The following DOCK10 variants were observed in gnomAD, a reference collection of about 807,000 sequenced individuals.
The protein encoded by DOCK10 is dedicator of cytokinesis protein 10.
DOCK10 carries 145 observed loss-of-function variants against 280.1 expected under a neutral mutation model. The ratio of observed to expected loss-of-function variants is 0.52; its 90% CI spans 0.45 to 0.59. The LOEUF (loss-of-function observed/expected upper bound fraction) is 0.59, where lower values mean the gene tolerates loss of function less well. Among genes scored for constraint, DOCK10 ranks in the 20% least tolerant of loss-of-function variants. The probability of loss-of-function intolerance (pLI) is 0.00; values close to 1 mark genes in which losing one functional copy is unlikely to be tolerated. For synonymous variants in DOCK10, 915 were observed against 942.2 expected (o/e 0.97, Z 0.53); for missense variants, 2,368 against 2,651.7 (o/e 0.89, Z 2.35).
chr2:224,786,159 G>A lies in DOCK10; in HGVS notation c.5655+863C>T, dbSNP rs1258429456. Among the ~76,000 whole-genome samples the A allele has an allele frequency of 2.6e-5, 4 of 152,162 alleles. No homozygotes were observed. The highest frequency in any genetic ancestry group is 5.9e-5 in the Non-Finnish European group (4 of 68,040). On this transcript the variant is annotated intron_variant, in intron 50 of 55. Transcript: ENST00000258390. This position sits in a 1 kb window ranked among gnomAD's most constrained non-coding sequence, Gnocchi z 4.7. ...GGAGGTTGCAGTGAGCCGAGATCAC[G>A]CCACTGCACTGCACTCCAGCCTGGG...
intron 2 of DOCK10, among the ~76,000 whole-genome samples, chr2:224,919,133 ATATGTGTGGTGTGTG>A (rs1701533863): frequency 1.6e-5 from 2 of 127,732 alleles, no homozygotes; most frequent in East Asian, 2.7e-4. Context: ...TGTGGCACGT[ATATGTGTGGTGTGTG>A]TATGTGTGGT....
In DOCK10 at chr2:224,781,603, T is replaced by C. The variant is rs141530743; in HGVS notation, c.5656-3319A>G. Among the ~76,000 whole-genome samples, 783 of 152,308 alleles carry C rather than the reference T, an allele frequency of 5.1e-3. 1 individual carries two copies. The highest frequency in any genetic ancestry group is 0.01 in the Middle Eastern group (3 of 294). On this transcript the variant is annotated intron_variant, in intron 50 of 55. Coordinates refer to ENST00000258390, the MANE Select transcript of DOCK10 (RefSeq NM_014689.3). ...TATGAAAACCAGGGTCAGTTTCTCT[T>C]TTGCTTTAGCCCCAAGGTTATAAGC... is the stretch of plus-strand genomic sequence containing the variant.
intron 50 of DOCK10, among the ~76,000 whole-genome samples, chr2:224,785,673 G>T (rs936149206): frequency 1.3e-5 from 2 of 151,950 alleles, no homozygotes; most frequent in East Asian, 3.9e-4. Context: ...GTAGAGATGG[G>T]GTTTCACCAT....
intron 19 of DOCK10, among the ~76,000 whole-genome samples, chr2:224,846,352 C>T (rs765315421): frequency 9.2e-5 from 14 of 152,254 alleles, no homozygotes; most frequent in South Asian, 8.3e-4. Flanking sequence ...TCCCAAAGTG[C>T]GGCTGGGGAC....
chr2:224,982,083 T>G (rs1418716076), intron 1 of DOCK10: 22 of 646,820 alleles, frequency 3.4e-5, no homozygotes, highest in Non-Finnish European at 4.8e-5. Context: ...AAACAGTACT[T>G]CAGAGTAGTA....
At chr2:224,898,859 G>A (rs1032901007) in intron 3 of DOCK10, among the ~76,000 whole-genome samples, 2 of 152,240 alleles carry the variant, frequency 1.3e-5, no homozygotes, top group Non-Finnish European at 2.9e-5. Context: ...ACAGGCGTGA[G>A]CCACCGCACC....
intron 1 of DOCK10, among the ~76,000 whole-genome samples, chr2:224,992,109 T>C (rs1388827910): frequency 6.6e-6 from 1 of 152,234 alleles, no homozygotes; most frequent in Non-Finnish European, 1.5e-5. Context: ...AGTTAAGTGA[T>C]CAAATTGGGC....
At chr2:224,980,537 C>G (rs1400956710) in intron 1 of DOCK10, among the ~76,000 whole-genome samples, 1 of 152,102 alleles carries the variant, frequency 6.6e-6, no homozygotes, top group Non-Finnish European at 1.5e-5. Context: ...AGTGGGCTGG[C>G]AATAAACCAT....
Position 224,793,390 on chromosome 2 carries a change from G to GTCA in DOCK10, c.5212+7_5212+9dup. The stretch of plus-strand genomic sequence containing the variant: ...CTAGGCTTTTTGCCTCCCTCATGTG[G>GTCA]TCATCTTACCCTTTCTTTTCAGATA... On this transcript the variant is annotated intron_variant, in intron 46 of 55. Coordinates refer to ENST00000258390, the MANE Select transcript of DOCK10 (RefSeq NM_014689.3). The GTCA allele has an allele frequency of 1.2e-6, 2 of 1,610,768 alleles. No homozygotes were observed. The highest frequency in any genetic ancestry group is 1.7e-6 in the Non-Finnish European group (2 of 1,178,102).
At chr2:224,994,764 A>T (rs1706222437) in intron 1 of DOCK10, among the ~76,000 whole-genome samples, 1 of 152,234 alleles carries the variant, frequency 6.6e-6, no homozygotes, top group Non-Finnish European at 1.5e-5. Context: ...AGTTCAAAGC[A>T]AATTTTTACA....
chr2:225,011,273 C>T (rs1689427156), intron 1 of DOCK10, among the ~76,000 whole-genome samples: 1 of 152,020 alleles, frequency 6.6e-6, no homozygotes, highest in South Asian at 2.1e-4. Flanking sequence ...AGATAAGTCA[C>T]AGGTACAAAG....
chr2:224,953,580 G>T (rs1335472691), intron 1 of DOCK10, among the ~76,000 whole-genome samples: 3 of 152,316 alleles, frequency 2.0e-5, no homozygotes, highest in East Asian at 1.9e-4. Context: ...GCAGCTCCAA[G>T]TTACCAATGA....
Position 224,770,685 on chromosome 2 carries a change from G to A in DOCK10, c.6205-40C>T, listed in dbSNP as rs1042783841. 8.4e-6 allele frequency: 12 copies of A among 1,436,216 alleles called. No individual in the cohort carries two copies. The highest frequency in any genetic ancestry group is 1.7e-4 in the Middle Eastern group (1 of 5,750). 89.0% of individuals were successfully genotyped at this position (1,436,216 alleles called of 1,614,324 possible). ...ATTGGTGAAGGATGATCTACCTTCT[G>A]CATGGAGTCTTTTCCACCGCTGGAA... On this transcript the variant is annotated intron_variant, in intron 53 of 55. Coordinates refer to ENST00000258390, the MANE Select transcript of DOCK10 (RefSeq NM_014689.3). This position sits in a 1 kb window ranked among gnomAD's most constrained non-coding sequence, Gnocchi z 4.5.
chr2:224,970,008 G>A lies in DOCK10; in HGVS notation c.124-38340C>T, dbSNP rs935832723. ...TCATTTCCCCCAGTGGCTTTCATTT[G>A]GGGAATATCATTGGGTTCACTGGCT... is the stretch of plus-strand genomic sequence containing the variant. On this transcript the variant is annotated intron_variant, in intron 1 of 55. Coordinates refer to ENST00000258390, the MANE Select transcript of DOCK10 (RefSeq NM_014689.3). This position sits in a 1 kb window ranked among gnomAD's most constrained non-coding sequence, Gnocchi z 4.6. 6.6e-6 allele frequency among the ~76,000 whole-genome samples: 1 copy of A among 152,092 alleles called. No homozygotes were observed. The highest frequency in any genetic ancestry group is 2.4e-5 in the African/African-American group (1 of 41,396).
rs116671286 is a variant in DOCK10, at chr2:224,994,432, T to A, written c.123+47820A>T. Among the ~76,000 whole-genome samples the A allele has an allele frequency of 8.1e-3, 1,232 of 152,328 alleles. 16 individuals are homozygous for A. Among genetic ancestry groups the A allele is most frequent in the African/African-American group, 0.029 (1,190 of 41,568 alleles). ...GAAGTAGTACTACAAGGTCAACAAGTGGCAGCTACTATTACCCTCTCCAAA... is the reference window on the plus strand; with the variant it reads ...GAAGTAGTACTACAAGGTCAACAAGAGGCAGCTACTATTACCCTCTCCAAA... On this transcript the variant is annotated intron_variant, in intron 1 of 55. Transcript: ENST00000258390.
intron 15 of DOCK10, among the ~76,000 whole-genome samples, chr2:224,855,398 G>C (rs1013133657): frequency 1.3e-5 from 2 of 152,118 alleles, no homozygotes; most frequent in Non-Finnish European, 2.9e-5. Context: ...ATTTAAACTG[G>C]CTTAAGTAAC....
chr2:224,946,770 A>C, intron 1 of DOCK10: 1 of 1,130,100 alleles, frequency 8.8e-7, no homozygotes, highest in Non-Finnish European at 1.2e-6. Flanking sequence ...CTAGAATACC[A>C]CTGTAGAGCT....
At chr2:224,946,685 A>G (rs1381475132) in intron 1 of DOCK10, among the ~76,000 whole-genome samples, 1 of 152,226 alleles carries the variant, frequency 6.6e-6, no homozygotes, top group African/African-American at 2.4e-5. Flanking sequence ...AAAAATAATG[A>G]TGGAAGTAAA....
At chr2:225,035,574 A>AT (rs1316634645) in intron 1 of DOCK10, among the ~76,000 whole-genome samples, 1 of 78,086 alleles carries the variant, frequency 1.3e-5, no homozygotes, top group Non-Finnish European at 2.5e-5. Context: ...ATATATATAT[A>AT]TATATATATA....
Sources: allele counts gnomAD v4.1 joint callset (sites outside exome capture counted in the v4.1 genomes callset), GRCh38; gene constraint gnomAD v4.1.1; non-coding constraint Gnocchi (gnomAD v3.1); transcripts MANE v1.5; gene names NCBI Gene and HGNC (gene_info 2026-07-23, HGNC 2026-07-21).